CLTRN: variants seen among roughly 807,000 people sequenced by gnomAD.
CLTRN encodes the protein collectrin, amino acid transport regulator, also known as collectrin.
In CLTRN, 12 loss-of-function variants were observed where a neutral mutation model predicts 14.5. That is an observed-to-expected ratio of 0.83 (90% CI 0.53 to 1.34). The LOEUF is 1.34. Among genes scored for constraint, CLTRN ranks in the 40% most tolerant of loss-of-function variants. CLTRN has a pLI of 0.00. For synonymous variants in CLTRN, 58 were observed against 56.5 expected (o/e 1.03, Z -0.12); for missense variants, 154 against 165.1 (o/e 0.93, Z 0.37).
At chrX:15,645,916 G>T (rs1161492575) in intron 3 of CLTRN, among the ~76,000 whole-genome samples, 1 of 113,029 alleles carries the variant, frequency 8.8e-6, no homozygotes, top group Admixed American at 9.3e-5. Flanking sequence ...TATGAGTAAA[G>T]GATTTGTTTA....
At chrX:15,638,642 C>G (rs916311500) in intron 5 of CLTRN, among the ~76,000 whole-genome samples, 1 of 111,788 alleles carries the variant, frequency 8.9e-6, no homozygotes, top group Non-Finnish European at 1.9e-5. Context: ...TAGTGAAAAG[C>G]TGAGGATTTT....
chrX:15,674,280 G>C (rs1283531725), intron 1 of CLTRN, among the ~76,000 whole-genome samples: 1 of 111,955 alleles, frequency 8.9e-6, no homozygotes, highest in Non-Finnish European at 1.9e-5. Flanking sequence ...CTTGGAGCAG[G>C]GGGCTGCAAA....
Position 15,639,685 on chromosome X carries a change from G to A in CLTRN, c.389C>T (p.Ser130Phe), listed in dbSNP as rs1188692731. 8.3e-7 allele frequency: 1 copy of A among 1,210,236 alleles called. No individual in the cohort carries two copies. Among genetic ancestry groups the A allele is most frequent in the Admixed American group, 2.2e-5 (1 of 45,886 alleles). Residue 130 changes from serine to phenylalanine, a missense_variant, in exon 5 of 6, where the codon TCC becomes TTC. Coordinates refer to ENST00000380342, the MANE Select transcript of CLTRN (RefSeq NM_020665.6). ...TGGGTCCATGGGTGGTGCAAGTGTG[G>A]AAGGGATTTTTAAAAATTCCAGAGT... ...DQTLEFLKIP[S>F]TLAPPMDPSV... is the part of the protein sequence containing the mutation.
upstream of CLTRN, among the ~76,000 whole-genome samples, chrX:15,675,197 A>G (rs1341409722): frequency 8.9e-6 from 1 of 112,409 alleles, no homozygotes; most frequent in Non-Finnish European, 1.9e-5. Flanking sequence ...TGTAAAAAAG[A>G]AATTCGAATT....
intron 1 of CLTRN, among the ~76,000 whole-genome samples, chrX:15,670,284 A>T (rs1160468483): frequency 1.0e-5 from 1 of 95,876 alleles, no homozygotes; most frequent in African/African-American, 4.0e-5. Flanking sequence ...CTCAAAAAAT[A>T]AAAAAAACAA....
At position 15,639,617 on chromosome X, in the gene CLTRN, T is replaced by G; in HGVS notation, c.457A>C (p.Ile153Leu). The G allele has an allele frequency of 8.3e-7, 1 of 1,210,807 alleles. No homozygotes were observed. The highest frequency in any genetic ancestry group is 1.1e-6 in the Non-Finnish European group (1 of 894,847). Residue 153 changes from isoleucine to leucine, a missense_variant, in exon 5 of 6, where the codon ATC becomes CTC. Physicochemically the swap from Ile to Leu is conservative, Grantham distance 5. Coordinates refer to ENST00000380342, the MANE Select transcript of CLTRN (RefSeq NM_020665.6). ...WIIIFGVIFC[I>L]IIVAIALLIL... ...AGTAGTGCAATTGCAACTATGATGATGCAAAATATCACACCAAATATAATA... is the reference window on the plus strand; with the variant it reads ...AGTAGTGCAATTGCAACTATGATGAGGCAAAATATCACACCAAATATAATA...
intron 3 of CLTRN, among the ~76,000 whole-genome samples, chrX:15,651,109 G>GAA (rs923608730): frequency 2.7e-5 from 3 of 111,393 alleles, no homozygotes; most frequent in Non-Finnish European, 3.8e-5. Flanking sequence ...GTGAAAAAGA[G>GAA]AAAGAAATTG....
chrX:15,656,740 G>A (rs767477040), intron 3 of CLTRN, among the ~76,000 whole-genome samples: 1 of 111,059 alleles, frequency 9.0e-6, no homozygotes, highest in Non-Finnish European at 1.9e-5. Flanking sequence ...AGTGCATGTG[G>A]AATCCAGGCC....
chrX:15,633,725 CT>C (rs1033890960), intron 5 of CLTRN, among the ~76,000 whole-genome samples: 2 of 111,922 alleles, frequency 1.8e-5, no homozygotes, highest in African/African-American at 6.5e-5. Flanking sequence ...TACTATTGAC[CT>C]TATGGGAATA....
intron 3 of CLTRN, among the ~76,000 whole-genome samples, chrX:15,658,230 C>T (rs1033342582): frequency 1.8e-5 from 2 of 112,562 alleles, no homozygotes; most frequent in Non-Finnish European, 3.8e-5. Flanking sequence ...ATATTTAACC[C>T]TTCATATAAA....
intron 5 of CLTRN, among the ~76,000 whole-genome samples, chrX:15,634,533 C>T (rs751912750): frequency 9.1e-6 from 1 of 110,434 alleles, no homozygotes; most frequent in South Asian, 3.9e-4. Flanking sequence ...ACAACTAACA[C>T]ACCTACTTCT....
At chrX:15,671,778 T>C (rs1929720545) in intron 1 of CLTRN, among the ~76,000 whole-genome samples, 1 of 110,952 alleles carries the variant, frequency 9.0e-6, no homozygotes, top group South Asian at 3.8e-4. Context: ...GAGCTTATTT[T>C]AATAATAATT....
chrX:15,634,713 C>T (rs1385217627), intron 5 of CLTRN, among the ~76,000 whole-genome samples: 2 of 96,605 alleles, frequency 2.1e-5, no homozygotes, highest in Non-Finnish European at 4.0e-5. Flanking sequence ...TATTCTCACT[C>T]ATAGGTGGGA....
intron 3 of CLTRN, among the ~76,000 whole-genome samples, chrX:15,651,288 T>C (rs1475022983): frequency 9.0e-6 from 1 of 111,470 alleles, no homozygotes; most frequent in Non-Finnish European, 1.9e-5. Flanking sequence ...GAGTTCCTAC[T>C]ACAGCGGCCT....
intron 3 of CLTRN, among the ~76,000 whole-genome samples, chrX:15,654,077 T>C (rs1929290709): frequency 8.9e-6 from 1 of 112,239 alleles, no homozygotes; most frequent in Non-Finnish European, 1.9e-5. Flanking sequence ...CAGGGCCAAC[T>C]GCCTCCAAAG....
chrX:15,644,932 C>A lies in CLTRN; in HGVS notation c.301G>T (p.Val101Leu). The change falls in exon 4 of 6, where the codon GTG becomes TTG. Residue 101 changes from valine to leucine, a missense_variant. Transcript: ENST00000380342. ...SKNHTLPAVE[V>L]QSAIRMNKNR... Reference sequence around the variant, plus strand: ...GGTGATTACCTTATGGCTGATTGCACCTCAACAGCAGGAAGGGTGTGATTT... The same window carrying A: ...GGTGATTACCTTATGGCTGATTGCAACTCAACAGCAGGAAGGGTGTGATTT... 8.3e-7 allele frequency: 1 copy of A among 1,199,808 alleles called. No homozygotes were observed. The highest frequency in any genetic ancestry group is 1.1e-6 in the Non-Finnish European group (1 of 888,270).
At chrX:15,674,961 G>C (rs1297609111) in intron 1 of CLTRN, 1 of 113,538 alleles carries the variant, frequency 8.8e-6, no homozygotes, top group East Asian at 2.8e-4. Flanking sequence ...AGAGAGGTGT[G>C]GAATGCAGTA....
chrX:15,671,876 ACACACAC>A lies in CLTRN; in HGVS notation c.-506+3106_-506+3112del, dbSNP rs771309430. On this transcript the variant is annotated intron_variant, in intron 1 of 6. Transcript: ENST00000650271. ...CACACACACACACACACACACACAC[ACACACAC>A]AATTTCCAGTATCCTTGGTAAGCAA... Among the ~76,000 whole-genome samples, 431 of 90,744 alleles carry A rather than the reference ACACACAC, an allele frequency of 4.7e-3. 3 individuals are homozygous for A. The highest frequency in any genetic ancestry group is 0.013 in the African/African-American group (312 of 24,377). The allele number at this position is 90,744 out of a possible 115,157, so 78.8% of individuals were successfully genotyped here.
At chrX:15,630,262 A>T (rs1928659124) in intron 5 of CLTRN, among the ~76,000 whole-genome samples, 1 of 111,105 alleles carries the variant, frequency 9.0e-6, no homozygotes, top group African/African-American at 3.3e-5. Context: ...GATAGATGGT[A>T]GATTGAACAA....
Sources: gnomAD v4.1 joint callset for allele counts (sites outside exome capture counted in the v4.1 genomes callset) on GRCh38, gnomAD v4.1.1 for gene constraint, MANE v1.5 for transcripts, NCBI Gene and HGNC (gene_info 2026-07-23, HGNC 2026-07-21) for gene names.